PPM1E: variants seen among roughly 807,000 people sequenced by gnomAD.
PPM1E encodes the protein protein phosphatase 1E.
Under a neutral mutation model 65.9 loss-of-function variants are expected in PPM1E, and 20 were observed. The observed-to-expected ratio is 0.30, with a 90% confidence interval of 0.21 to 0.44. The LOEUF is 0.44. Among genes scored for constraint, PPM1E ranks in the 20% least tolerant of loss-of-function variants. The pLI is 1.00. For missense variants in PPM1E, 713 were observed against 953.1 expected, an observed-to-expected ratio of 0.75 and a Z score of 3.32; for synonymous variants, 352 against 374.9, an observed-to-expected ratio of 0.94 and a Z score of 0.70.
intron 1 of PPM1E, among the ~76,000 whole-genome samples, chr17:58,775,616 T>G (rs2049985680): frequency 6.6e-6 from 1 of 152,052 alleles, no homozygotes; most frequent in African/African-American, 2.4e-5. Flanking sequence ...ATATTGAGAT[T>G]TCTTAAGAAT....
intron 1 of PPM1E, among the ~76,000 whole-genome samples, chr17:58,901,105 T>A (rs1322179623): frequency 6.6e-6 from 1 of 151,910 alleles, no homozygotes; most frequent in Non-Finnish European, 1.5e-5. Flanking sequence ...AGCATGATGC[T>A]TTACACTTTG....
intron 1 of PPM1E, among the ~76,000 whole-genome samples, chr17:58,935,026 G>A (rs779280429): frequency 1.3e-5 from 2 of 152,020 alleles, no homozygotes; most frequent in Non-Finnish European, 2.9e-5. Context: ...GCTGAGACGG[G>A]CAGATCACAA....
At chr17:58,782,798 A>G (rs2050063404) in intron 1 of PPM1E, among the ~76,000 whole-genome samples, 1 of 152,130 alleles carries the variant, frequency 6.6e-6, no homozygotes, top group South Asian at 2.1e-4. Context: ...TAAAATTAAG[A>G]ATTAACAGAT....
chr17:58,796,707 T>A (rs2050210079), intron 1 of PPM1E, among the ~76,000 whole-genome samples: 1 of 152,248 alleles, frequency 6.6e-6, no homozygotes. Context: ...AACACCCATA[T>A]ACCCACAACT....
At chr17:58,779,324 A>G (rs2050029639) in intron 1 of PPM1E, among the ~76,000 whole-genome samples, 1 of 151,720 alleles carries the variant, frequency 6.6e-6, no homozygotes, top group African/African-American at 2.4e-5. Flanking sequence ...GGCATGCACC[A>G]CCACACCCAG....
intron 1 of PPM1E, among the ~76,000 whole-genome samples, chr17:58,924,266 G>A (rs2143545623): frequency 1.3e-5 from 2 of 152,004 alleles, no homozygotes; most frequent in South Asian, 2.1e-4. Context: ...AAGGAAGGGA[G>A]GGAGGGAGGG....
At chr17:58,821,103 G>A (rs1361197384) in intron 1 of PPM1E, among the ~76,000 whole-genome samples, 1 of 151,796 alleles carries the variant, frequency 6.6e-6, no homozygotes, top group African/African-American at 2.4e-5. Context: ...TTGTTTGTTT[G>A]TTTGTTTGTT....
At chr17:58,805,975 A>C (rs1405026433) in intron 1 of PPM1E, among the ~76,000 whole-genome samples, 3 of 99,624 alleles carry the variant, frequency 3.0e-5, no homozygotes, top group African/African-American at 1.5e-4. Flanking sequence ...AAAAAAAAAC[A>C]AAAAAAAAAC....
intron 1 of PPM1E, among the ~76,000 whole-genome samples, chr17:58,775,410 G>A (rs1029038566): frequency 5.3e-5 from 8 of 151,926 alleles, no homozygotes; most frequent in African/African-American, 1.7e-4. Context: ...ATTCTCAACC[G>A]CTCTATAATA....
intron 1 of PPM1E, among the ~76,000 whole-genome samples, chr17:58,799,952 A>G (rs1338842442): frequency 1.3e-5 from 2 of 152,212 alleles, no homozygotes; most frequent in Non-Finnish European, 2.9e-5. Flanking sequence ...GATTTTATAG[A>G]TCTTTTGCAT....
intron 1 of PPM1E, among the ~76,000 whole-genome samples, chr17:58,836,543 C>A (rs960330955): frequency 2.6e-5 from 4 of 150,980 alleles, no homozygotes; most frequent in Non-Finnish European, 4.4e-5. Flanking sequence ...TGGCTCACTG[C>A]AACCTCTGCC....
chr17:58,878,473 A>T (rs1350288332), intron 1 of PPM1E, among the ~76,000 whole-genome samples: 3 of 151,396 alleles, frequency 2.0e-5, no homozygotes, highest in Non-Finnish European at 4.4e-5. Flanking sequence ...TGAACTCCTG[A>T]CCTCAGGTGA....
At position 58,873,727 on chromosome 17, in the gene PPM1E, T is replaced by G. The variant is rs1172187133; in HGVS notation, c.465-81922T>G. ...TCCTGCCTCAGCACCCCCAAGTAGC[T>G]GGGACTACAGGTCCGCACTACCATG... On this transcript the variant is annotated intron_variant, in intron 1 of 6. Coordinates refer to ENST00000308249, the MANE Select transcript of PPM1E (RefSeq NM_014906.5). Among the ~76,000 whole-genome samples the G allele has an allele frequency of 4.6e-5, 7 of 151,344 alleles. No individual in the cohort carries two copies. The South Asian group carries it at 1.3e-3, about 27-fold the overall frequency.
At chr17:58,899,582 G>A in intron 1 of PPM1E, 1 of 222,642 alleles carries the variant, frequency 4.5e-6, no homozygotes, top group Non-Finnish European at 9.5e-6. Context: ...ATTGACAGAG[G>A]GGGGAAAACC....
At chr17:58,802,422 T>C (rs1466342491) in intron 1 of PPM1E, among the ~76,000 whole-genome samples, 3 of 152,220 alleles carry the variant, frequency 2.0e-5, no homozygotes, top group Non-Finnish European at 4.4e-5. Context: ...CCATACTGCT[T>C]TGATTACTGT....
chr17:58,780,196 C>T (rs569111774), intron 1 of PPM1E, among the ~76,000 whole-genome samples: 20 of 152,316 alleles, frequency 1.3e-4, no homozygotes, highest in African/African-American at 4.8e-4. Flanking sequence ...ATATCATTTA[C>T]CTCCAACTCC....
intron 1 of PPM1E, among the ~76,000 whole-genome samples, chr17:58,818,560 T>C (rs1285613518): frequency 6.6e-6 from 1 of 152,218 alleles, no homozygotes; most frequent in Admixed American, 6.5e-5. Context: ...CTTATTCCCA[T>C]ATATAAGCTT....
intron 1 of PPM1E, among the ~76,000 whole-genome samples, chr17:58,793,108 T>A (rs1389859411): frequency 2.6e-5 from 4 of 152,040 alleles, no homozygotes; most frequent in Non-Finnish European, 5.9e-5. Context: ...GATGCTCTGC[T>A]TTTCTTTTTT....
At chr17:58,778,754 C>A (rs188308297) in intron 1 of PPM1E, among the ~76,000 whole-genome samples, 2 of 151,488 alleles carry the variant, frequency 1.3e-5, no homozygotes, top group Non-Finnish European at 1.5e-5. Context: ...TTTTACATAG[C>A]GTTTTGTTCT....
Sources: gnomAD v4.1 joint callset for allele counts (sites outside exome capture counted in the v4.1 genomes callset) on GRCh38, gnomAD v4.1.1 for gene constraint, MANE v1.5 for transcripts, NCBI Gene and HGNC (gene_info 2026-07-23, HGNC 2026-07-21) for gene names.